The following MAP9 variants were observed in gnomAD, a reference collection of about 807,000 sequenced individuals.
The protein encoded by MAP9 is microtubule associated protein 9.
MAP9 carries 80 observed loss-of-function variants against 75.2 expected under a neutral mutation model. The ratio of observed to expected loss-of-function variants is 1.06; its 90% confidence interval spans 0.89 to 1.28. MAP9 has a LOEUF of 1.28. Among genes scored for constraint, MAP9 ranks in the 50% most tolerant of loss-of-function variants. The pLI is 0.00. For missense variants in MAP9, 753 were observed against 719.9 expected, an observed-to-expected ratio of 1.05 and a Z score of -0.53; for synonymous variants, 235 against 237.3, an observed-to-expected ratio of 0.99 and a Z score of 0.09.
intron 5 of MAP9, chr4:155,368,017 AG>A (rs944561831): frequency 1.3e-5 from 2 of 153,380 alleles, no homozygotes; most frequent in Admixed American, 1.3e-4. Flanking sequence ...AGAAAAACGA[AG>A]TGTTCTCCCT....
intron 10 of MAP9, 130 bp from the exon 11 acceptor site, chr4:155,353,470 T>A: frequency 2.6e-6 from 2 of 771,430 alleles, no homozygotes; most frequent in Non-Finnish European, 3.5e-6. Context: ...ACTTAGAAAT[T>A]AACTTTCAAA....
Position 155,342,749 on chromosome 4 carries a change from T to C in MAP9, c.*5034A>G, listed in dbSNP as rs1731159853. On this transcript the variant is annotated 3_prime_UTR_variant, in exon 14 of 14. Coordinates refer to ENST00000311277, the MANE Select transcript of MAP9 (RefSeq NM_001039580.2). ...ATCTTTTTTAATCTTGCACACGCAC[T>C]GCAGCAAGGTTAATCCTGTATGTGA... 1 of 152,086 alleles carries C rather than the reference T, an allele frequency of 6.6e-6. No homozygotes were observed. The highest frequency in any genetic ancestry group is 2.4e-5 in the African/African-American group (1 of 41,422). The allele number at this position is 152,086 out of a possible 1,614,324, so 9.4% of individuals were successfully genotyped here. A position where few individuals can be genotyped will look rare whatever the true frequency, so the allele number is the denominator to read the frequency against.
Position 155,355,070 on chromosome 4 carries a change from C to T in MAP9, c.1380+1G>A, listed in dbSNP as rs748343302. On this transcript the variant is annotated splice_donor_variant, in intron 10 of 13. Transcript: ENST00000311277. LOFTEE classifies it high-confidence loss of function. ...ATTTTTACTTCTATATGTCAGAATA[C>T]CTGTTCATTTTGGATCCTTAAGTTT... 1 of 1,294,464 alleles carries T rather than the reference C, an allele frequency of 7.7e-7. No homozygotes were observed. The highest frequency in any genetic ancestry group is 1.4e-5 in the South Asian group (1 of 70,834). 80.2% of individuals were successfully genotyped at this position (1,294,464 alleles called of 1,614,324 possible).
chr4:155,373,983 G>T (rs557399428), intron 3 of MAP9, among the ~76,000 whole-genome samples: 1 of 152,276 alleles, frequency 6.6e-6, no homozygotes, highest in East Asian at 1.9e-4. Flanking sequence ...ATACAGCAGT[G>T]ATTTAACTGT....
At chr4:155,348,979 G>A (rs1055166043) in intron 13 of MAP9, among the ~76,000 whole-genome samples, 1 of 102,862 alleles carries the variant, frequency 9.7e-6, no homozygotes, top group African/African-American at 4.4e-5. Context: ...CTTTCAAAAT[G>A]GACAGAAACA....
rs751247611 is a variant in MAP9, at chr4:155,342,910, C to A, written c.*4873G>T. 1.3e-5 allele frequency: 2 copies of A among 151,408 alleles called. No individual in the cohort carries two copies. Among genetic ancestry groups the A allele is most frequent in the Admixed American group, 6.6e-5 (1 of 15,120 alleles). 9.4% of individuals were successfully genotyped at this position (151,408 alleles called of 1,614,324 possible). A position where few individuals can be genotyped will look rare whatever the true frequency, so the allele number is the denominator to read the frequency against. On this transcript the variant is annotated 3_prime_UTR_variant, in exon 14 of 14. Coordinates refer to ENST00000311277, the MANE Select transcript of MAP9 (RefSeq NM_001039580.2). ...CTTATTTAATTTTATAGCTTTAATG[C>A]GGTCCATCATTTCTAATAATGATAT...
chr4:155,374,870 T>C, intron 3 of MAP9, 67 bp downstream of exon 3: 1 of 994,722 alleles, frequency 1.0e-6, no homozygotes. Context: ...GTTGGGGGGC[T>C]GGCTAAATAC....
intron 6 of MAP9, 103 bp from the exon 7 acceptor site, chr4:155,360,518 T>C: frequency 9.0e-7 from 1 of 1,106,312 alleles, no homozygotes; most frequent in Non-Finnish European, 1.3e-6. Flanking sequence ...CTATAAACTC[T>C]TTTTTCTTGC....
Position 155,373,379 on chromosome 4 carries a change from C to A in MAP9, c.238G>T (p.Asp80Tyr). Residue 80 changes from aspartate (D) to tyrosine (Y), a missense_variant, in exon 4 of 14, where the codon GAT becomes TAT. Coordinates refer to ENST00000311277, the MANE Select transcript of MAP9 (RefSeq NM_001039580.2). ...NKKMNDFHIS[D>Y]DEEKNPSKLL... ...TTTGAAGGATTCTTTTCTTCATCAT[C>A]TGATATATGAAAGTCATTCATTTTT... 6.2e-7 allele frequency: 1 copy of A among 1,609,978 alleles called. No individual in the cohort carries two copies.
chr4:155,362,305 G>GT, intron 5 of MAP9, 164 bp from the exon 6 acceptor site: 1 of 509,336 alleles, frequency 2.0e-6, no homozygotes, highest in Admixed American at 4.1e-5. Flanking sequence ...GCCAATGGAG[G>GT]TAAGCATGCT....
intron 4 of MAP9, among the ~76,000 whole-genome samples, chr4:155,372,397 T>C (rs1463970472): frequency 6.6e-6 from 1 of 152,224 alleles, no homozygotes; most frequent in East Asian, 1.9e-4. Context: ...TAACCTTGCA[T>C]ATACAAGTTC....
chr4:155,353,905 A>C (rs1186503665), intron 10 of MAP9, among the ~76,000 whole-genome samples: 1 of 152,150 alleles, frequency 6.6e-6, no homozygotes, highest in African/African-American at 2.4e-5. Flanking sequence ...ATAGCAAGTT[A>C]TGTTATTATT....
At chr4:155,368,499 AATTC>A in intron 5 of MAP9, 83 bp downstream of exon 5, 1 of 1,125,104 alleles carries the variant, frequency 8.9e-7, no homozygotes, top group Non-Finnish European at 1.3e-6. Flanking sequence ...CACGCACACA[AATTC>A]ATTCTCTCCT....
rs1394382710 is a variant in MAP9 at position 155,373,168 on chromosome 4, G to C, written c.449C>G (p.Pro150Arg). ...EKDKIKMKPK[P>R]RILSIKSTSS... ...TGTGCTTTTAATTGAAAGAATTCTGGGTTTAGGTTTCATTTTTATTTTGTC... is the reference window on the plus strand; with the variant it reads ...TGTGCTTTTAATTGAAAGAATTCTGCGTTTAGGTTTCATTTTTATTTTGTC... The change falls in exon 4 of 14, where the codon CCC becomes CGC. Residue 150 changes from proline (P) to arginine (R), a missense_variant. By Grantham distance (103) the Pro-to-Arg change is moderately radical (BLOSUM62 -2). Coordinates refer to ENST00000311277, the MANE Select transcript of MAP9 (RefSeq NM_001039580.2). 1.3e-6 allele frequency: 2 copies of C among 1,580,084 alleles called. No individual in the cohort carries two copies. Among genetic ancestry groups the C allele is most frequent in the African/African-American group, 2.7e-5 (2 of 73,418 alleles).
chr4:155,343,939 G>C lies in MAP9; in HGVS notation c.*3844C>G, dbSNP rs994201869. On this transcript the variant is annotated 3_prime_UTR_variant, in exon 14 of 14. Transcript: ENST00000311277. The stretch of plus-strand genomic sequence containing the variant: ...ATTAGCCAGTGTAAATGCAAACTAG[G>C]AAAGTTGATATCTTTCTTTTATGTA... The C allele has an allele frequency of 3.3e-5, 5 of 151,850 alleles. No individual in the cohort carries two copies. Among genetic ancestry groups the C allele is most frequent in the African/African-American group, 1.2e-4 (5 of 41,414 alleles). The allele number at this position is 151,850 out of a possible 1,614,324, so 9.4% of individuals were successfully genotyped here.
chr4:155,362,005 G>C (rs760992451), intron 6 of MAP9, 43 bp downstream of exon 6: 13 of 1,126,536 alleles, frequency 1.2e-5, no homozygotes, highest in Non-Finnish European at 1.6e-5. Flanking sequence ...AGTCTAAGTA[G>C]TACAGAGTTC....
chr4:155,359,322 A>C (rs6813360), intron 7 of MAP9, among the ~76,000 whole-genome samples: 51,280 of 151,720 alleles, frequency 0.34, 10,269 homozygotes, highest in East Asian at 0.58. Flanking sequence ...TATTACCTTA[A>C]GTGAAATAAA....
At chr4:155,350,151 C>A in intron 13 of MAP9, 1 of 397,256 alleles carries the variant, frequency 2.5e-6, no homozygotes, top group South Asian at 1.9e-5. Context: ...ACTGTTCAAA[C>A]TAGTTTGTAT....
At chr4:155,374,547 C>G (rs955169210) in intron 3 of MAP9, among the ~76,000 whole-genome samples, 1 of 152,120 alleles carries the variant, frequency 6.6e-6, no homozygotes, top group African/African-American at 2.4e-5. Flanking sequence ...AAAAGCACTT[C>G]TAATGTGCAC....
Sources: gnomAD v4.1 joint callset for allele counts (sites outside exome capture counted in the v4.1 genomes callset) on GRCh38, gnomAD v4.1.1 for gene constraint, MANE v1.5 for transcripts, NCBI Gene and HGNC (gene_info 2026-07-23, HGNC 2026-07-21) for gene names.